POLR2F: variants seen among roughly 807,000 people sequenced by gnomAD.
POLR2F encodes DNA-directed RNA polymerases I, II, and III subunit RPABC2.
Under a neutral mutation model 22.7 loss-of-function variants are expected in POLR2F, and 12 were observed. The ratio of observed to expected loss-of-function variants is 0.53; its 90% CI spans 0.34 to 0.86. The LOEUF (loss-of-function observed/expected upper bound fraction) is 0.86. POLR2F is among the 40% of genes least tolerant of loss of function. The pLI, the probability that POLR2F is intolerant of heterozygous loss-of-function variation, is 0.02. For synonymous variants in POLR2F, 57 were observed against 66.0 expected, an observed-to-expected ratio of 0.86 and a Z score of 0.66; for missense variants, 126 against 171.5, an observed-to-expected ratio of 0.73 and a Z score of 1.48.
chr22:37,991,207 C>T (rs1449886204), intron 1 of POLR2F, among the ~76,000 whole-genome samples: 3 of 16,740 alleles, frequency 1.8e-4, no homozygotes, highest in African/African-American at 7.7e-4. Flanking sequence ...CTGCCACTTC[C>T]ACCTCCTGTG....
intron 1 of POLR2F, among the ~76,000 whole-genome samples, chr22:37,996,536 G>A (rs377322313): frequency 6.6e-6 from 1 of 152,220 alleles, no homozygotes; most frequent in South Asian, 2.1e-4. Flanking sequence ...CTTGGCTGGG[G>A]CCTTGAGGCA....
downstream of POLR2F, chr22:37,974,234 G>A: frequency 6.5e-7 from 1 of 1,531,444 alleles, no homozygotes; most frequent in East Asian, 2.3e-5. This position sits in a 1 kb window ranked among gnomAD's most constrained non-coding sequence, Gnocchi z 5.4. Flanking sequence ...AGAGCGCAAG[G>A]GGGAAGCAGG....
At position 37,968,725 on chromosome 22, in the gene POLR2F, C is replaced by G; in HGVS notation, c.*1010C>G. On this transcript the variant is annotated 3_prime_UTR_variant, in exon 5 of 5. Coordinates refer to ENST00000442738, the MANE Select transcript of POLR2F (RefSeq NM_021974.5). ...GGCTCCCTGAATATGCCAGCCTTAACCTCCATTCCACTGCCAGCTCCCCTT... is the reference window on the plus strand; with the variant it reads ...GGCTCCCTGAATATGCCAGCCTTAAGCTCCATTCCACTGCCAGCTCCCCTT... 1 of 985,460 alleles carries G rather than the reference C, an allele frequency of 1.0e-6. No homozygotes were observed. Among genetic ancestry groups the G allele is most frequent in the Non-Finnish European group, 1.2e-6 (1 of 829,948 alleles). The allele number at this position is 985,460 out of a possible 1,614,324, so 61.0% of individuals were successfully genotyped here. A position where few individuals can be genotyped will look rare whatever the true frequency, so the allele number is the denominator to read the frequency against.
At chr22:38,031,217 C>A (rs1405457885), downstream of POLR2F, among the ~76,000 whole-genome samples, 3 of 152,148 alleles carry the variant, frequency 2.0e-5, no homozygotes, top group Non-Finnish European at 4.4e-5. The surrounding 1 kb of genome is among the most constrained non-coding windows in gnomAD (Gnocchi z 4.1). Flanking sequence ...CCTGGACAAT[C>A]TGCTTCATCT....
At chr22:37,981,308 C>G (rs191289936), upstream of POLR2F, among the ~76,000 whole-genome samples, 14 of 152,344 alleles carry the variant, frequency 9.2e-5, no homozygotes, top group East Asian at 1.5e-3. Flanking sequence ...TCTCTCAGGA[C>G]CCCCCTCCAG....
At chr22:37,967,484 T>A in intron 4 of POLR2F, 141 bp from the exon 5 acceptor site, 1 of 1,457,764 alleles carries the variant, frequency 6.9e-7, no homozygotes, top group East Asian at 2.5e-5. Flanking sequence ...TGTAATTGCT[T>A]TCTTACAAAG....
intron 5 of POLR2F, among the ~76,000 whole-genome samples, chr22:38,038,544 C>T (rs2085138648): frequency 6.6e-6 from 1 of 152,166 alleles, no homozygotes; most frequent in Admixed American, 6.5e-5. Flanking sequence ...CTCCTCCCCA[C>T]CTTCCGCCGT....
At chr22:38,014,391 C>A (rs1197984901) in intron 1 of POLR2F, among the ~76,000 whole-genome samples, 1 of 149,642 alleles carries the variant, frequency 6.7e-6, no homozygotes, top group Non-Finnish European at 1.5e-5. Context: ...CCTCTTTTTG[C>A]CCAGGCTGGA....
chr22:37,990,234 C>T (rs930717947), intron 1 of POLR2F, among the ~76,000 whole-genome samples: 1 of 152,196 alleles, frequency 6.6e-6, no homozygotes, highest in African/African-American at 2.4e-5. Flanking sequence ...CATGGCCTGT[C>T]CCAACAGGGG....
At chr22:37,962,854 C>T (rs1027793510) in intron 3 of POLR2F, among the ~76,000 whole-genome samples, 1 of 152,042 alleles carries the variant, frequency 6.6e-6, no homozygotes, top group African/African-American at 2.4e-5. Flanking sequence ...CCACGCCCGG[C>T]TAATTTTTTG....
chr22:37,994,793 A>C (rs2084697025), intron 1 of POLR2F, among the ~76,000 whole-genome samples: 1 of 152,220 alleles, frequency 6.6e-6, no homozygotes, highest in Non-Finnish European at 1.5e-5. Context: ...GGCGTGAGCC[A>C]CCGCACCCGG....
At chr22:37,959,994 G>GTCTCTATTAAACAATA (rs1462916573) in intron 3 of POLR2F, among the ~76,000 whole-genome samples, 1 of 151,800 alleles carries the variant, frequency 6.6e-6, no homozygotes, top group African/African-American at 2.4e-5. Context: ...AATAGAGACG[G>GTCTCTATTAAACAATA]GGTCTCGCCA....
intron 1 of POLR2F, among the ~76,000 whole-genome samples, chr22:38,012,531 A>T (rs1049628528): frequency 6.6e-6 from 1 of 152,340 alleles, no homozygotes; most frequent in East Asian, 1.9e-4. Flanking sequence ...AACATTGGTA[A>T]AATACTATAA....
chr22:37,982,563 C>T (rs1217762683), upstream of POLR2F, among the ~76,000 whole-genome samples: 7 of 152,084 alleles, frequency 4.6e-5, no homozygotes, highest in African/African-American at 1.7e-4. Context: ...GGAAGGAGGC[C>T]AAGGTTTCCT....
chr22:38,033,248 CCTGT>C (rs1259028705), intron 5 of POLR2F: 7 of 152,172 alleles, frequency 4.6e-5, no homozygotes, highest in Admixed American at 3.9e-4. Flanking sequence ...CCCTAGTTGC[CCTGT>C]CTTTCTTCGC....
At chr22:38,003,295 C>T (rs1459900776) in intron 1 of POLR2F, among the ~76,000 whole-genome samples, 1 of 151,662 alleles carries the variant, frequency 6.6e-6, no homozygotes, top group African/African-American at 2.4e-5. Flanking sequence ...GGCGTGATCT[C>T]GGCTCACCAC....
At position 38,000,367 on chromosome 22, in the gene POLR2F, C is replaced by T. The variant is rs146928745; in HGVS notation, c.120+14055C>T. On this transcript the variant is annotated intron_variant, in intron 1 of 2. Transcript: ENST00000333418. ...AGTTGGCAGGCTCTTCTACATTGGG[C>T]TAGGAGTCTGGACTCCTGGGTTCTT... is the stretch of plus-strand genomic sequence containing the variant. 1.2e-4 allele frequency among the ~76,000 whole-genome samples: 19 copies of T among 152,302 alleles called. No individual in the cohort carries two copies. In the East Asian group the frequency reaches 3.7e-3, roughly 29 times the overall value.
chr22:37,995,160 G>A (rs557935801), intron 1 of POLR2F, among the ~76,000 whole-genome samples: 3 of 152,330 alleles, frequency 2.0e-5, no homozygotes, highest in South Asian at 4.1e-4. Context: ...GAGGGAGCTG[G>A]CCTCTGACGT....
intron 1 of POLR2F, among the ~76,000 whole-genome samples, chr22:37,999,357 C>A (rs957693977): frequency 1.8e-4 from 28 of 152,156 alleles, no homozygotes; most frequent in Non-Finnish European, 7.4e-5. Flanking sequence ...AGCTTGTCGG[C>A]CATCACAGGG....
Sources: allele counts gnomAD v4.1 joint callset (sites outside exome capture counted in the v4.1 genomes callset), GRCh38; gene constraint gnomAD v4.1.1; non-coding constraint Gnocchi (gnomAD v3.1); transcripts MANE v1.5; gene names NCBI Gene and HGNC (gene_info 2026-07-23, HGNC 2026-07-21).